Variants in HBEGF observed in about 807,000 individuals in gnomAD.
HBEGF encodes proheparin-binding EGF-like growth factor.
Under a neutral mutation model 19.5 loss-of-function variants are expected in HBEGF, and 8 were observed. The ratio of observed to expected loss-of-function variants is 0.41; its 90% CI spans 0.24 to 0.74. The LOEUF is 0.74. HBEGF is among the 30% of genes least tolerant of loss of function. The pLI, the probability that HBEGF is intolerant of heterozygous loss-of-function variation, is 0.32. For synonymous variants in HBEGF, 97 were observed against 108.9 expected (o/e 0.89, Z 0.68); for missense variants, 207 against 256.9 (o/e 0.81, Z 1.33).
At position 140,346,268 on chromosome 5, in the gene HBEGF, C is replaced by T; in HGVS notation, c.46+15G>A. 6.2e-7 allele frequency: 1 copy of T among 1,600,766 alleles called. No individual in the cohort carries two copies. The highest frequency in any genetic ancestry group is 8.5e-7 in the Non-Finnish European group (1 of 1,174,484). On this transcript the variant is annotated intron_variant, in intron 1 of 5. Coordinates refer to ENST00000230990, the MANE Select transcript of HBEGF (RefSeq NM_001945.3). The surrounding 1 kb of genome is among the most constrained non-coding windows in gnomAD (Gnocchi z 6.1). ...CCATCCCCCCGATCTCCGGGGGCGT[C>T]GGCAGCCCTCTTACCTGCAGCCAGA...
In HBEGF at chr5:140,346,208, C is replaced by A. The variant is rs1766397620; in HGVS notation, c.46+75G>T. The stretch of plus-strand genomic sequence containing the variant: ...CAAGTGGCCCGTGCCGGGTGCGCTG[C>A]GGCGACCTTCCCCCATGCCCCCAGC... On this transcript the variant is annotated intron_variant, in intron 1 of 5. Coordinates refer to ENST00000230990, the MANE Select transcript of HBEGF (RefSeq NM_001945.3). The surrounding 1 kb of genome is among the most constrained non-coding windows in gnomAD (Gnocchi z 6.1). 2 of 1,555,166 alleles carry A rather than the reference C, an allele frequency of 1.3e-6. No homozygotes were observed. The highest frequency in any genetic ancestry group is 1.2e-5 in the South Asian group (1 of 85,918).
chr5:140,346,086 T>C lies in HBEGF; in HGVS notation c.47-2A>G. 2 of 1,610,772 alleles carry C rather than the reference T, an allele frequency of 1.2e-6. No homozygotes were observed. The highest frequency in any genetic ancestry group is 1.7e-6 in the Non-Finnish European group (2 of 1,178,382). On this transcript the variant is annotated splice_acceptor_variant, in intron 1 of 5. Coordinates refer to ENST00000230990, the MANE Select transcript of HBEGF (RefSeq NM_001945.3). LOFTEE classifies it high-confidence loss of function. This position sits in a 1 kb window ranked among gnomAD's most constrained non-coding sequence, Gnocchi z 6.1. ...CGCCAGTCACCAGTGCCGAGAGAACTGCGGGCGAGAGGCCAGGCCGCATCA... is the reference window on the plus strand; with the variant it reads ...CGCCAGTCACCAGTGCCGAGAGAACCGCGGGCGAGAGGCCAGGCCGCATCA...
At chr5:140,338,537 A>G (rs1472388374) in intron 3 of HBEGF, among the ~76,000 whole-genome samples, 1 of 152,226 alleles carries the variant, frequency 6.6e-6, no homozygotes, top group Non-Finnish European at 1.5e-5. Flanking sequence ...CTCAGAAGAT[A>G]GAAATAAAGT....
intron 2 of HBEGF, among the ~76,000 whole-genome samples, chr5:140,343,655 A>G (rs1173106176): frequency 3.9e-5 from 6 of 152,186 alleles, no homozygotes; most frequent in African/African-American, 1.4e-4. Flanking sequence ...AGACTGGGGG[A>G]AAAACAGCCT....
Position 140,344,736 on chromosome 5 carries a change from C to CA in HBEGF, c.220+1174dup, listed in dbSNP as rs4150203. Among the ~76,000 whole-genome samples, 313 of 151,522 alleles carry CA rather than the reference C, an allele frequency of 2.1e-3. 1 individual carries two copies. The highest frequency in any genetic ancestry group is 7.3e-3 in the African/African-American group (302 of 41,256). Reference sequence around the variant, plus strand: ...GACCAGAGCTTCGGGGAGAGCAAGGCAGGGGGGCCAAGCCAATCAGAAAGG... The same window carrying CA: ...GACCAGAGCTTCGGGGAGAGCAAGGCAAGGGGGGCCAAGCCAATCAGAAAGG... On this transcript the variant is annotated intron_variant, in intron 2 of 5. Coordinates refer to ENST00000230990, the MANE Select transcript of HBEGF (RefSeq NM_001945.3).
rs746867757 is a variant in HBEGF, at chr5:140,346,119, G to C, written c.47-35C>G. 2 of 1,596,692 alleles carry C rather than the reference G, an allele frequency of 1.3e-6. No individual in the cohort carries two copies. Among genetic ancestry groups the C allele is most frequent in the Middle Eastern group, 1.9e-4 (1 of 5,212 alleles). Reference sequence around the variant, plus strand: ...AGAGGCCAGGCCGCATCAGACACCCGCCCAGACCCCTGACCAACACGCACC... The same window carrying C: ...AGAGGCCAGGCCGCATCAGACACCCCCCCAGACCCCTGACCAACACGCACC... On this transcript the variant is annotated intron_variant, in intron 1 of 5. Coordinates refer to ENST00000230990, the MANE Select transcript of HBEGF (RefSeq NM_001945.3). The surrounding 1 kb of genome is among the most constrained non-coding windows in gnomAD (Gnocchi z 6.1).
At position 140,345,892 on chromosome 5, in the gene HBEGF, G is replaced by T. The variant is rs776869157; in HGVS notation, c.220+19C>A. The T allele has an allele frequency of 8.1e-6, 13 of 1,613,620 alleles. No homozygotes were observed. The highest frequency in any genetic ancestry group is 2.2e-5 in the East Asian group (1 of 44,872). The stretch of plus-strand genomic sequence containing the variant: ...CAACAGCCCACCAAGGTCCAAGGAT[G>T]GGGGGCCTCCACACCCACCTCTCAA... On this transcript the variant is annotated intron_variant, in intron 2 of 5. Coordinates refer to ENST00000230990, the MANE Select transcript of HBEGF (RefSeq NM_001945.3).
Position 140,346,505 on chromosome 5 carries a change from C to G in HBEGF, c.-177G>C. ...GGCGCAGCTCGCTCTTCTTGAGTGTCTTGTCTTGCTCACTCAGCCCGCCCG... is the reference window on the plus strand; with the variant it reads ...GGCGCAGCTCGCTCTTCTTGAGTGTGTTGTCTTGCTCACTCAGCCCGCCCG... On this transcript the variant is annotated 5_prime_UTR_variant, in exon 1 of 6. Coordinates refer to ENST00000230990, the MANE Select transcript of HBEGF (RefSeq NM_001945.3). This position sits in a 1 kb window ranked among gnomAD's most constrained non-coding sequence, Gnocchi z 6.1. 1 of 709,270 alleles carries G rather than the reference C, an allele frequency of 1.4e-6. No homozygotes were observed. Among genetic ancestry groups the G allele is most frequent in the Non-Finnish European group, 2.3e-6 (1 of 427,342 alleles). 43.9% of individuals were successfully genotyped at this position (709,270 alleles called of 1,614,324 possible).
chr5:140,334,934 G>C lies in HBEGF; in HGVS notation c.555-186C>G, dbSNP rs534968907. 21 of 613,616 alleles carry C rather than the reference G, an allele frequency of 3.4e-5. No individual in the cohort carries two copies. The Admixed American group carries it at 4.3e-4, about 13-fold the overall frequency. The allele number at this position is 613,616 out of a possible 1,614,324, so 38.0% of individuals were successfully genotyped here. ...CGAGGAACTCCTGTCTCTAATAGCAGGATGCAATTTACAAATAGCTTTCAC... is the reference window on the plus strand; with the variant it reads ...CGAGGAACTCCTGTCTCTAATAGCACGATGCAATTTACAAATAGCTTTCAC... On this transcript the variant is annotated intron_variant, in intron 4 of 5. Transcript: ENST00000230990.
intron 3 of HBEGF, among the ~76,000 whole-genome samples, chr5:140,338,685 A>G (rs960921003): frequency 6.6e-6 from 1 of 151,976 alleles, no homozygotes; most frequent in Non-Finnish European, 1.5e-5. Flanking sequence ...CCAGAGAAGG[A>G]GGGGGGATGA....
chr5:140,344,997 T>C (rs1766375097), intron 2 of HBEGF, among the ~76,000 whole-genome samples: 1 of 152,170 alleles, frequency 6.6e-6, no homozygotes, highest in African/African-American at 2.4e-5. Context: ...AGGCTCAGTT[T>C]TGGAGTATGT....
chr5:140,346,526 G>A lies in HBEGF; in HGVS notation c.-198C>T. 1.6e-6 allele frequency: 1 copy of A among 629,808 alleles called. No individual in the cohort carries two copies. Among genetic ancestry groups the A allele is most frequent in the South Asian group, 2.0e-5 (1 of 50,794 alleles). 39.0% of individuals were successfully genotyped at this position (629,808 alleles called of 1,614,324 possible). On this transcript the variant is annotated 5_prime_UTR_variant, in exon 1 of 6. Coordinates refer to ENST00000230990, the MANE Select transcript of HBEGF (RefSeq NM_001945.3). The surrounding 1 kb of genome is among the most constrained non-coding windows in gnomAD (Gnocchi z 6.1). Reference sequence around the variant, plus strand: ...GTGTCTTGTCTTGCTCACTCAGCCCGCCCGCGCGGCCGCCCGACCCCGCGC... The same window carrying A: ...GTGTCTTGTCTTGCTCACTCAGCCCACCCGCGCGGCCGCCCGACCCCGCGC...
chr5:140,334,860 A>G (rs1766203772), intron 4 of HBEGF, 112 bp from the exon 5 acceptor site: 1 of 878,516 alleles, frequency 1.1e-6, no homozygotes. Flanking sequence ...TACTTGGAAA[A>G]GCCCAGGCAG....
chr5:140,335,933 C>T lies in HBEGF; in HGVS notation c.493G>A (p.Val165Met), dbSNP rs761455806. Reference protein sequence around the residue: ...YTYDHTTILAVVAVVLSSVCL... With the variant: ...YTYDHTTILAMVAVVLSSVCL... ...ACAGATGACAGCACCACAGCCACCA[C>T]GGCCAGGATGGTTGTGTGGTCATAG... Residue 165 changes from valine (V) to methionine (M), a missense_variant, in exon 4 of 6, where the codon GTG becomes ATG. This residue lies in a region of HBEGF where 77 missense variants were observed against 106.9 expected (regional missense o/e 0.72). Transcript: ENST00000230990. 9.3e-6 allele frequency: 15 copies of T among 1,614,036 alleles called. No homozygotes were observed. Among genetic ancestry groups the T allele is most frequent in the African/African-American group, 6.7e-5 (5 of 74,902 alleles).
intron 2 of HBEGF, among the ~76,000 whole-genome samples, chr5:140,343,513 C>T (rs1766347009): frequency 6.6e-6 from 1 of 152,160 alleles, no homozygotes; most frequent in African/African-American, 2.4e-5. Flanking sequence ...ATATTTAACC[C>T]CCAATGTCCT....
chr5:140,342,461 G>C (rs547942787), intron 3 of HBEGF, among the ~76,000 whole-genome samples, 174 bp downstream of exon 3: 3 of 152,178 alleles, frequency 2.0e-5, no homozygotes, highest in Non-Finnish European at 4.4e-5. Flanking sequence ...CATCCTATAG[G>C]GGGGAGGGGG....
chr5:140,344,774 T>C (rs1013742018), intron 2 of HBEGF, among the ~76,000 whole-genome samples: 1 of 142,830 alleles, frequency 7.0e-6, no homozygotes, highest in Non-Finnish European at 1.5e-5. Flanking sequence ...AGGGAGAAGG[T>C]GCAGGGTGAC....
In HBEGF at chr5:140,334,070, C is replaced by T. The variant is rs1766192303; in HGVS notation, c.*229G>A. On this transcript the variant is annotated 3_prime_UTR_variant, in exon 6 of 6. Coordinates refer to ENST00000230990, the MANE Select transcript of HBEGF (RefSeq NM_001945.3). Reference sequence around the variant, plus strand: ...GGGAATCAGAAGGGCATGAAGGTCCCTTGCTTTTGCTTTCTTCTTACCCAG... The same window carrying T: ...GGGAATCAGAAGGGCATGAAGGTCCTTTGCTTTTGCTTTCTTCTTACCCAG... The T allele has an allele frequency of 6.5e-6, 1 of 152,728 alleles. No individual in the cohort carries two copies. The highest frequency in any genetic ancestry group is 6.5e-5 in the Admixed American group (1 of 15,278). 9.5% of individuals were successfully genotyped at this position (152,728 alleles called of 1,614,324 possible).
Position 140,333,932 on chromosome 5 carries a change from CT to C in HBEGF, c.*366del, listed in dbSNP as rs939709923. 1 of 151,648 alleles carries C rather than the reference CT, an allele frequency of 6.6e-6. No individual in the cohort carries two copies. Among genetic ancestry groups the C allele is most frequent in the African/African-American group, 2.4e-5 (1 of 40,882 alleles). The allele number at this position is 151,648 out of a possible 1,614,324, so 9.4% of individuals were successfully genotyped here. A position where few individuals can be genotyped will look rare whatever the true frequency, so the allele number is the denominator to read the frequency against. Reference sequence around the variant, plus strand: ...TTTCCTTCTTGCTCTCCTTCTTCTTCTTCTTTTTTTTTTTCAGTCAAAGATC... The same window carrying C: ...TTTCCTTCTTGCTCTCCTTCTTCTTCTCTTTTTTTTTTTCAGTCAAAGATC... On this transcript the variant is annotated 3_prime_UTR_variant, in exon 6 of 6. Transcript: ENST00000230990.
Sources: gnomAD v4.1 joint callset for allele counts (sites outside exome capture counted in the v4.1 genomes callset) on GRCh38, gnomAD v4.1.1 for gene constraint, gnomAD v4.1.1 regional missense constraint, Gnocchi (gnomAD v3.1) non-coding constraint, MANE v1.5 for transcripts, NCBI Gene and HGNC (gene_info 2026-07-23, HGNC 2026-07-21) for gene names.